The following UBAP1 variants were observed in gnomAD, a reference collection of about 807,000 sequenced individuals.
The protein encoded by UBAP1 is ubiquitin associated protein 1.
UBAP1 carries 5 observed loss-of-function variants against 39.0 expected under a neutral mutation model. The observed-to-expected ratio is 0.13, with a 90% confidence interval of 0.07 to 0.27. The LOEUF (loss-of-function observed/expected upper bound fraction) is 0.27. UBAP1 is among the 10% of genes least tolerant of loss of function. UBAP1 has a pLI of 1.00. For synonymous variants in UBAP1, 211 were observed against 225.1 expected (o/e 0.94, Z 0.56); for missense variants, 490 against 608.1 (o/e 0.81, Z 2.04).
chr9:34,192,626 A>T (rs1471650137), intron 1 of UBAP1, among the ~76,000 whole-genome samples: 2 of 150,254 alleles, frequency 1.3e-5, no homozygotes, highest in African/African-American at 4.9e-5. Flanking sequence ...TTCTTTAGGG[A>T]TGGGGGTCTT....
At chr9:34,183,861 C>T (rs1327683099) in intron 1 of UBAP1, among the ~76,000 whole-genome samples, 2 of 151,224 alleles carry the variant, frequency 1.3e-5, no homozygotes, top group African/African-American at 4.9e-5. Flanking sequence ...ACTGCCGCCT[C>T]CCGGGTTCAA....
At chr9:34,211,951 G>A (rs1244419664) in intron 1 of UBAP1, 1 of 396,652 alleles carries the variant, frequency 2.5e-6, no homozygotes, top group Non-Finnish European at 5.0e-6. Context: ...GAATATCACT[G>A]ATAAGTTGTT....
rs1833024030 is a variant in UBAP1, at chr9:34,225,901, T to C, written c.34+4953T>C. ...GTTGAGACTCTAATTTATGAAAAAATAGACCCCGTGATAAGATTTGATAAA... is the reference window on the plus strand; with the variant it reads ...GTTGAGACTCTAATTTATGAAAAAACAGACCCCGTGATAAGATTTGATAAA... On this transcript the variant is annotated intron_variant, in intron 2 of 6. Coordinates refer to ENST00000297661, the MANE Select transcript of UBAP1 (RefSeq NM_016525.5). 2.0e-5 allele frequency among the ~76,000 whole-genome samples: 3 copies of C among 151,814 alleles called. 1 individual carries two copies. The South Asian group carries it at 6.3e-4, about 32-fold the overall frequency.
rs544796162 is a variant in UBAP1, at chr9:34,241,985, G to A, written c.960G>A (p.Gly320=). 1.9e-6 allele frequency: 3 copies of A among 1,614,030 alleles called. No individual in the cohort carries two copies. Among genetic ancestry groups the A allele is most frequent in the African/African-American group, 2.7e-5 (2 of 74,910 alleles). ...ASELNGHHTL[G]LSALNLDSGT... is the part of the protein sequence containing the mutation. ...AGCTCAATGGGCATCACACTCTTGG[G>A]CTTTCAGCTTTGAACTTGGACAGTG... The change falls in exon 4 of 7, where the codon GGG becomes GGA. Residue 320 remains glycine, a synonymous_variant. Coordinates refer to ENST00000297661, the MANE Select transcript of UBAP1 (RefSeq NM_016525.5).
chr9:34,194,594 G>A (rs1255515189), intron 1 of UBAP1, among the ~76,000 whole-genome samples: 10 of 152,130 alleles, frequency 6.6e-5, no homozygotes, highest in African/African-American at 9.7e-5. Context: ...GATTATAGGC[G>A]TGAGCCACCG....
intron 1 of UBAP1, among the ~76,000 whole-genome samples, chr9:34,202,708 CACCATACAGCCCCAATA>C (rs892346908): frequency 3.0e-5 from 4 of 132,804 alleles, no homozygotes; most frequent in African/African-American, 1.2e-4. Context: ...TGTATCATAA[CACCATACAGCCCCAATA>C]ACTGTCAATC....
chr9:34,186,914 T>G (rs1830436872), intron 1 of UBAP1, among the ~76,000 whole-genome samples: 1 of 152,134 alleles, frequency 6.6e-6, no homozygotes, highest in African/African-American at 2.4e-5. Flanking sequence ...ATTTTTTATT[T>G]TTTATTTTTT....
chr9:34,182,695 CTTTT>C (rs1830155740), intron 1 of UBAP1, among the ~76,000 whole-genome samples: 2 of 70,716 alleles, frequency 2.8e-5, no homozygotes, highest in African/African-American at 9.1e-5. Context: ...CTCTCTCTTT[CTTTT>C]CTTTTCTTTC....
intron 1 of UBAP1, among the ~76,000 whole-genome samples, chr9:34,200,758 A>G (rs192293534): frequency 6.6e-5 from 10 of 152,244 alleles, no homozygotes; most frequent in Admixed American, 2.0e-4. Flanking sequence ...CTATCCTTTT[A>G]CTACTCCACA....
At chr9:34,220,872 T>C (rs1427049709) in intron 1 of UBAP1, 36 bp from the exon 2 acceptor site, 1 of 1,599,876 alleles carries the variant, frequency 6.3e-7, no homozygotes, top group African/African-American at 1.3e-5. Flanking sequence ...ACCTTCAAGG[T>C]ATAATGTGCC....
chr9:34,221,346 G>A (rs959665979), intron 2 of UBAP1, among the ~76,000 whole-genome samples: 1 of 151,902 alleles, frequency 6.6e-6, no homozygotes, highest in East Asian at 1.9e-4. Flanking sequence ...TGTCTAACAC[G>A]GTGAAACCCC....
chr9:34,186,229 C>T (rs1830398695), intron 1 of UBAP1, among the ~76,000 whole-genome samples: 1 of 152,134 alleles, frequency 6.6e-6, no homozygotes, highest in South Asian at 2.1e-4. Flanking sequence ...GAAATGAATA[C>T]CTGATTATTT....
At chr9:34,201,002 C>T (rs184577454) in intron 1 of UBAP1, among the ~76,000 whole-genome samples, 37 of 152,210 alleles carry the variant, frequency 2.4e-4, no homozygotes, top group African/African-American at 7.7e-4. Flanking sequence ...CTCCGCCTCC[C>T]GGGTTCAAGT....
chr9:34,229,447 G>A (rs1435103990), intron 2 of UBAP1, among the ~76,000 whole-genome samples: 1 of 151,316 alleles, frequency 6.6e-6, no homozygotes, highest in Non-Finnish European at 1.5e-5. Flanking sequence ...TGGTAGAGAT[G>A]GGGTTTCACC....
At chr9:34,241,075 G>A (rs755043601) in intron 3 of UBAP1, 110 bp from the exon 4 acceptor site, 2 of 745,034 alleles carry the variant, frequency 2.7e-6, no homozygotes, top group Non-Finnish European at 4.0e-6. Flanking sequence ...CTTAAATGCT[G>A]CCTTGTCCGG....
At chr9:34,212,758 A>G (rs1832089416) in intron 1 of UBAP1, among the ~76,000 whole-genome samples, 1 of 152,168 alleles carries the variant, frequency 6.6e-6, no homozygotes, top group African/African-American at 2.4e-5. Context: ...ATGGCTTCAC[A>G]GCAGAATTCT....
intron 1 of UBAP1, among the ~76,000 whole-genome samples, chr9:34,182,627 C>CTTTATTTA (rs1563880902): frequency 4.3e-5 from 2 of 46,174 alleles, no homozygotes; most frequent in Admixed American, 2.8e-4. Flanking sequence ...TTCTTTCTTT[C>CTTTATTTA]TTTCTTTCTT....
intron 1 of UBAP1, among the ~76,000 whole-genome samples, chr9:34,218,423 AACAACAGT>A (rs1442397109): frequency 6.6e-6 from 1 of 152,096 alleles, no homozygotes; most frequent in Non-Finnish European, 1.5e-5. Context: ...TCTTTACCTC[AACAACAGT>A]TGCTTCTTCA....
intron 2 of UBAP1, among the ~76,000 whole-genome samples, chr9:34,225,702 C>T (rs1460142162): frequency 6.6e-6 from 1 of 151,190 alleles, no homozygotes; most frequent in South Asian, 2.1e-4. Flanking sequence ...ATGGCGTGAA[C>T]CCAGGAGGAA....
Sources: allele counts gnomAD v4.1 joint callset (sites outside exome capture counted in the v4.1 genomes callset), GRCh38; gene constraint gnomAD v4.1.1; transcripts MANE v1.5; gene names NCBI Gene and HGNC (gene_info 2026-07-23, HGNC 2026-07-21).